Variants in CRYBB2 observed in about 807,000 individuals in gnomAD.
CRYBB2 encodes the protein crystallin beta B2.
In CRYBB2, 12 loss-of-function variants were observed where a neutral mutation model predicts 24.3. That is an observed-to-expected ratio of 0.49 (90% CI 0.32 to 0.80). The LOEUF (loss-of-function observed/expected upper bound fraction) is 0.80. CRYBB2 is among the 30% of genes least tolerant of loss of function. The pLI is 0.04. For synonymous variants in CRYBB2, 98 were observed against 101.6 expected (o/e 0.96, Z 0.21); for missense variants, 198 against 268.5 (o/e 0.74, Z 1.83).
intron 2 of CRYBB2, among the ~76,000 whole-genome samples, chr22:25,223,986 T>G (rs1206612045): frequency 6.6e-6 from 1 of 151,828 alleles, no homozygotes; most frequent in Non-Finnish European, 1.5e-5. Context: ...TAGCTGGGCG[T>G]GGTGGCAGGC....
At chr22:25,228,470 C>CCAGT (rs1413862174) in intron 4 of CRYBB2, among the ~76,000 whole-genome samples, 1 of 150,950 alleles carries the variant, frequency 6.6e-6, no homozygotes, top group African/African-American at 2.4e-5. Context: ...AAGACTCGTG[C>CCAGT]CAGTGTGAGT....
At chr22:25,229,405 A>T in intron 4 of CRYBB2, 31 bp from the exon 5 acceptor site, 3 of 1,581,490 alleles carry the variant, frequency 1.9e-6, no homozygotes, top group Non-Finnish European at 2.6e-6. Context: ...CCCCTCACCC[A>T]TACTCACTTC....
intron 2 of CRYBB2, among the ~76,000 whole-genome samples, chr22:25,222,039 T>TA (rs1475668554): frequency 1.3e-5 from 2 of 152,220 alleles, no homozygotes; most frequent in Non-Finnish European, 2.9e-5. Flanking sequence ...CATCCACCTG[T>TA]CCACCCAAGG....
chr22:25,215,179 G>A (rs373945337), upstream of CRYBB2, among the ~76,000 whole-genome samples: 11 of 152,370 alleles, frequency 7.2e-5, no homozygotes, highest in East Asian at 1.7e-3. Context: ...TGACATGTTT[G>A]TGATGGCCAT....
upstream of CRYBB2, among the ~76,000 whole-genome samples, chr22:25,215,344 G>A (rs896408097): frequency 6.6e-6 from 1 of 152,226 alleles, no homozygotes; most frequent in Non-Finnish European, 1.5e-5. Flanking sequence ...CAGATAACTA[G>A]CCAGACCCAT....
At chr22:25,226,022 T>C (rs1174229745) in intron 3 of CRYBB2, among the ~76,000 whole-genome samples, 1 of 152,266 alleles carries the variant, frequency 6.6e-6, no homozygotes, top group Non-Finnish European at 1.5e-5. Flanking sequence ...TTCTTTCTTT[T>C]TTAAAAAATA....
intron 5 of CRYBB2, among the ~76,000 whole-genome samples, chr22:25,229,971 G>T (rs5760927): frequency 0.09 from 12,721 of 141,652 alleles, 851 homozygotes; most frequent in Non-Finnish European, 0.13. Flanking sequence ...CTTTGACCGC[G>T]TGTGTCCCTA....
chr22:25,214,651 G>A (rs1246440285), upstream of CRYBB2, among the ~76,000 whole-genome samples: 1 of 152,188 alleles, frequency 6.6e-6, no homozygotes, highest in African/African-American at 2.4e-5. Flanking sequence ...ATTTGTAAGA[G>A]CCGCTACTGA....
rs201153065 is a variant in CRYBB2, at chr22:25,229,522, C to T, written c.393C>T (p.Ser131=). The T allele has an allele frequency of 5.1e-5, 83 of 1,614,136 alleles. No individual in the cohort carries two copies. Among genetic ancestry groups the T allele is most frequent in the Non-Finnish European group, 1.4e-5 (17 of 1,180,052 alleles). ...KMEIIDDDVP[S]FHAHGYQEKV... is the part of the protein sequence containing the mutation. ...AAATCATAGATGACGATGTACCCAG[C>T]TTCCACGCCCATGGCTACCAGGAGA... Residue 131 remains serine, a synonymous_variant, in exon 5 of 6, where the codon AGC becomes AGT. Coordinates refer to ENST00000398215, the MANE Select transcript of CRYBB2 (RefSeq NM_000496.3).
chr22:25,224,940 A>G lies in CRYBB2; in HGVS notation c.77A>G (p.Asn26Ser). ...CAGATCATCATCTTTGAGCAGGAAA[A>G]CTTTCAAGGCCACTCGCATGAGCTC... is the stretch of plus-strand genomic sequence containing the variant. ...NPKIIIFEQE[N>S]FQGHSHELNG... Residue 26 changes from asparagine to serine, a missense_variant, in exon 3 of 6, where the codon AAC (asparagine) becomes AGC (serine). Physicochemically the swap from Asn to Ser is conservative, Grantham distance 46 (BLOSUM62 1). Coordinates refer to ENST00000398215, the MANE Select transcript of CRYBB2 (RefSeq NM_000496.3). 1 of 1,606,730 alleles carries G rather than the reference A, an allele frequency of 6.2e-7. No homozygotes were observed. The highest frequency in any genetic ancestry group is 1.3e-5 in the African/African-American group (1 of 74,850).
intron 4 of CRYBB2, among the ~76,000 whole-genome samples, chr22:25,229,050 G>GCAA (rs1935481253): frequency 6.8e-6 from 1 of 146,764 alleles, no homozygotes; most frequent in Non-Finnish European, 1.5e-5. Context: ...GTGCAAGTGT[G>GCAA]GTGTGCGTGT....
In CRYBB2 at chr22:25,229,623, G is replaced by C. The variant is rs569900072; in HGVS notation, c.449+45G>C. The C allele has an allele frequency of 5.5e-4, 891 of 1,609,632 alleles. 17 individuals are homozygous for C. The South Asian group carries it at 8.9e-3, about 16-fold the overall frequency. On this transcript the variant is annotated intron_variant, in intron 5 of 5. Transcript: ENST00000398215. Reference sequence around the variant, plus strand: ...TGGCTCACCCTGCCCCAGGAACTGAGACTCTGGGGTCCTAAGTCCTGCTCT... The same window carrying C: ...TGGCTCACCCTGCCCCAGGAACTGACACTCTGGGGTCCTAAGTCCTGCTCT...
At chr22:25,213,887 T>A (rs909630517) in intron 1 of CRYBB2, among the ~76,000 whole-genome samples, 2 of 152,180 alleles carry the variant, frequency 1.3e-5, no homozygotes, top group African/African-American at 4.8e-5. Context: ...CTCTTTATCA[T>A]TAATTAATTC....
chr22:25,230,331 C>T, intron 5 of CRYBB2, among the ~76,000 whole-genome samples: 1 of 150,420 alleles, frequency 6.6e-6, no homozygotes, highest in East Asian at 2.0e-4. Flanking sequence ...TGATTTTTTG[C>T]ATTTTTAGTA....
upstream of CRYBB2, among the ~76,000 whole-genome samples, chr22:25,211,663 C>T (rs1935107271): frequency 2.0e-5 from 3 of 152,152 alleles, no homozygotes; most frequent in Non-Finnish European, 4.4e-5. Context: ...ATCCACCCAC[C>T]TCAGCCTCCC....
upstream of CRYBB2, among the ~76,000 whole-genome samples, chr22:25,217,900 A>G (rs928537345): frequency 6.6e-6 from 1 of 152,192 alleles, no homozygotes; most frequent in Non-Finnish European, 1.5e-5. Flanking sequence ...TACTTGACCC[A>G]GTCTCCAAGC....
At chr22:25,220,602 G>A (rs1172688178) in intron 1 of CRYBB2, among the ~76,000 whole-genome samples, 2 of 152,228 alleles carry the variant, frequency 1.3e-5, no homozygotes, top group African/African-American at 2.4e-5. Flanking sequence ...TGTGGAAGGG[G>A]CTTCTGGAAG....
intron 4 of CRYBB2, 88 bp downstream of exon 4, chr22:25,228,073 C>T: frequency 1.9e-6 from 3 of 1,592,416 alleles, no homozygotes; most frequent in Non-Finnish European, 2.6e-6. Context: ...GGTCTGGGGA[C>T]CAGGAAGGGG....
At chr22:25,225,303 A>G (rs1007741975) in intron 3 of CRYBB2, among the ~76,000 whole-genome samples, 2 of 151,976 alleles carry the variant, frequency 1.3e-5, no homozygotes, top group African/African-American at 4.8e-5. Flanking sequence ...CTAACCATGT[A>G]CTCTGGGGAT....
Sources: gnomAD v4.1 joint callset for allele counts (sites outside exome capture counted in the v4.1 genomes callset) on GRCh38, gnomAD v4.1.1 for gene constraint, MANE v1.5 for transcripts, NCBI Gene and HGNC (gene_info 2026-07-23, HGNC 2026-07-21) for gene names.